The following NTN1 variants were observed in gnomAD, a reference collection of about 807,000 sequenced individuals.
NTN1 encodes the protein netrin 1, also known as netrin-1.
In NTN1, 11 loss-of-function variants were observed where a neutral mutation model predicts 54.2. The observed-to-expected ratio is 0.20, with a 90% CI of 0.13 to 0.34. NTN1 has a LOEUF of 0.34. Among genes scored for constraint, NTN1 ranks in the 10% least tolerant of loss-of-function variants. NTN1 has a pLI of 1.00. For synonymous variants in NTN1, 371 were observed against 382.0 expected (o/e 0.97, Z 0.33); for missense variants, 740 against 893.1 (o/e 0.83, Z 2.18).
intron 2 of NTN1, among the ~76,000 whole-genome samples, chr17:9,025,176 A>G (rs2091865945): frequency 6.6e-6 from 1 of 152,114 alleles, no homozygotes; most frequent in Non-Finnish European, 1.5e-5. Flanking sequence ...TGGCTTGAAG[A>G]TTTGCCTTAG....
At chr17:9,008,738 C>G in the NTN1 span, among the ~76,000 whole-genome samples, 647 of 152,254 alleles carry the variant, frequency 4.2e-3, 3 homozygotes, top group African/African-American at 0.015. Flanking sequence ...GGCGGGAGAA[C>G]AAGGAAGGAA....
intron 2 of NTN1, among the ~76,000 whole-genome samples, chr17:9,068,713 GGTCA>G (rs1174741283): frequency 6.6e-6 from 1 of 151,996 alleles, no homozygotes; most frequent in South Asian, 2.1e-4. Flanking sequence ...TCTCCATGTT[GGTCA>G]GGCTGGTCTC....
intron 6 of NTN1, among the ~76,000 whole-genome samples, chr17:9,236,116 T>C (rs927129968): frequency 1.4e-5 from 1 of 70,238 alleles, no homozygotes; most frequent in African/African-American, 4.3e-5. Flanking sequence ...AGTTCCAACA[T>C]AAGAATTTGG....
chr17:9,149,972 A>G (rs992066783), intron 2 of NTN1, among the ~76,000 whole-genome samples: 2 of 152,018 alleles, frequency 1.3e-5, no homozygotes, highest in Non-Finnish European at 2.9e-5. Context: ...GAGGTCGAGG[A>G]GGGTGCATCA....
intron 2 of NTN1, among the ~76,000 whole-genome samples, chr17:9,100,377 A>G (rs1027570303): frequency 9.9e-5 from 15 of 152,124 alleles, no homozygotes; most frequent in Non-Finnish European, 2.1e-4. Flanking sequence ...GGCTCACTCC[A>G]AGCTCCACCT....
At chr17:9,078,804 T>G (rs963601008) in intron 2 of NTN1, among the ~76,000 whole-genome samples, 1 of 152,174 alleles carries the variant, frequency 6.6e-6, no homozygotes, top group Non-Finnish European at 1.5e-5. Context: ...TATTAGTGAG[T>G]CAGGCAGACA....
chr17:9,139,907 C>G (rs1243297776), intron 2 of NTN1, among the ~76,000 whole-genome samples: 3 of 151,930 alleles, frequency 2.0e-5, no homozygotes, highest in African/African-American at 4.8e-5. Flanking sequence ...ATTCATCCAT[C>G]ATCCATCCAT....
Position 9,146,216 on chromosome 17 carries a change from C to G in NTN1, c.1019-16597C>G, listed in dbSNP as rs574096905. 4.9e-4 allele frequency among the ~76,000 whole-genome samples: 74 copies of G among 152,230 alleles called. 1 individual carries two copies. The highest frequency in any genetic ancestry group is 1.3e-3 in the African/African-American group (56 of 41,546). On this transcript the variant is annotated intron_variant, in intron 2 of 6. Transcript: ENST00000173229. ...AGGGAGGGGACACTAGGATCCAGGGCTCATGAGGAGGCTTGAAGCATAATG... is the reference window on the plus strand; with the variant it reads ...AGGGAGGGGACACTAGGATCCAGGGGTCATGAGGAGGCTTGAAGCATAATG...
intron 2 of NTN1, among the ~76,000 whole-genome samples, chr17:9,032,830 C>T (rs1233503501): frequency 3.3e-5 from 5 of 152,116 alleles, no homozygotes; most frequent in Non-Finnish European, 7.4e-5. Flanking sequence ...CTCTTTATTC[C>T]GACACCCAGC....
At chr17:9,220,075 T>C (rs970816818) in intron 5 of NTN1, among the ~76,000 whole-genome samples, 5 of 152,246 alleles carry the variant, frequency 3.3e-5, no homozygotes, top group African/African-American at 9.6e-5. Flanking sequence ...TCCCTGGCTC[T>C]GAGCTCACCT....
chr17:9,053,335 A>T (rs115432462), intron 2 of NTN1, among the ~76,000 whole-genome samples: 2 of 152,240 alleles, frequency 1.3e-5, no homozygotes, highest in Non-Finnish European at 2.9e-5. Context: ...GAAAGGAATT[A>T]GCCCTTCCTG....
Position 9,168,034 on chromosome 17 carries a change from T to C in NTN1, c.1207+5033T>C, listed in dbSNP as rs372214554. On this transcript the variant is annotated intron_variant, in intron 3 of 6. Coordinates refer to ENST00000173229, the MANE Select transcript of NTN1 (RefSeq NM_004822.3). ...GAATTGGAAAAGCTCCCCTGGAGAT[T>C]CTAATGTGTAACCAACACTGAGAAC... 6.6e-5 allele frequency among the ~76,000 whole-genome samples: 10 copies of C among 152,138 alleles called. No homozygotes were observed. The East Asian group carries it at 1.5e-3, about 24-fold the overall frequency.
intron 2 of NTN1, among the ~76,000 whole-genome samples, chr17:9,155,730 C>T (rs2092340010): frequency 6.6e-6 from 1 of 152,148 alleles, no homozygotes; most frequent in Admixed American, 6.5e-5. Context: ...ACCCTGGAGG[C>T]GGTGGGCGTC....
chr17:9,115,858 G>A (rs2092210324), intron 2 of NTN1, among the ~76,000 whole-genome samples: 1 of 152,254 alleles, frequency 6.6e-6, no homozygotes, highest in South Asian at 2.1e-4. Context: ...CCGTGTACTC[G>A]CCGTCTCCGA....
chr17:9,229,403 G>A (rs1436685203), intron 6 of NTN1, among the ~76,000 whole-genome samples: 13 of 76,528 alleles, frequency 1.7e-4, no homozygotes, highest in African/African-American at 6.4e-4. Context: ...CACACCTTGT[G>A]AGGGAGGGAT....
At position 9,096,448 on chromosome 17, in the gene NTN1, G is replaced by A. The variant is rs547384323; in HGVS notation, c.1019-66365G>A. 2.0e-3 allele frequency among the ~76,000 whole-genome samples: 277 copies of A among 137,800 alleles called. 1 individual carries two copies. The highest frequency in any genetic ancestry group is 3.2e-3 in the Non-Finnish European group (208 of 65,972). The allele number at this position is 137,800 out of a possible 152,430, so 90.4% of individuals were successfully genotyped here. A position where few individuals can be genotyped will look rare whatever the true frequency, so the allele number is the denominator to read the frequency against. On this transcript the variant is annotated intron_variant, in intron 2 of 6. Coordinates refer to ENST00000173229, the MANE Select transcript of NTN1 (RefSeq NM_004822.3). Reference sequence around the variant, plus strand: ...TGCAGTGGCACAATCTCGGCTCACTGCAAACTCTGCCTCCCGGGTTCACGC... The same window carrying A: ...TGCAGTGGCACAATCTCGGCTCACTACAAACTCTGCCTCCCGGGTTCACGC...
intron 2 of NTN1, among the ~76,000 whole-genome samples, chr17:9,149,870 C>G (rs2142287713): frequency 6.6e-6 from 1 of 152,204 alleles, no homozygotes; most frequent in East Asian, 1.9e-4. Flanking sequence ...AGTTCGAGAC[C>G]AGCCTGACCA....
At chr17:9,018,102 C>T (rs886173827), upstream of NTN1, among the ~76,000 whole-genome samples, 1 of 152,208 alleles carries the variant, frequency 6.6e-6, no homozygotes, top group Middle Eastern at 3.4e-3. Flanking sequence ...AGAGGAGTTC[C>T]ACCGTATTAC....
chr17:9,079,274 G>T (rs576635251), intron 2 of NTN1, among the ~76,000 whole-genome samples: 1 of 152,338 alleles, frequency 6.6e-6, no homozygotes, highest in Non-Finnish European at 1.5e-5. Context: ...TACCCAGGGG[G>T]TGAGCTGCAG....
Sources: gnomAD v4.1 joint callset for allele counts (sites outside exome capture counted in the v4.1 genomes callset) on GRCh38, gnomAD v4.1.1 for gene constraint, MANE v1.5 for transcripts, NCBI Gene and HGNC (gene_info 2026-07-23, HGNC 2026-07-21) for gene names.